The following FLI1 variants were observed in gnomAD, a reference collection of about 807,000 sequenced individuals.
FLI1 encodes Fli-1 proto-oncogene, ETS transcription factor.
Under a neutral mutation model 53.1 loss-of-function variants are expected in FLI1, and 13 were observed. The observed-to-expected ratio is 0.24, with a 90% CI of 0.16 to 0.39. FLI1 has a LOEUF of 0.39. Ranked by LOEUF, FLI1 falls within the 10% of genes least tolerant of loss-of-function variation. The probability of loss-of-function intolerance (pLI) is 1.00; values close to 1 mark genes in which losing one functional copy is unlikely to be tolerated. For synonymous variants in FLI1, 244 were observed against 236.7 expected (o/e 1.03, Z -0.28); for missense variants, 424 against 600.5 (o/e 0.71, Z 3.07).
At chr11:128,713,713 C>T (rs761056149) in intron 1 of FLI1, among the ~76,000 whole-genome samples, 1 of 151,984 alleles carries the variant, frequency 6.6e-6, no homozygotes, top group Non-Finnish European at 1.5e-5. Context: ...AACGTGGGGA[C>T]CTAACCTAGT....
intron 1 of FLI1, among the ~76,000 whole-genome samples, chr11:128,694,533 G>T (rs1220208768): frequency 0.017 from 10 of 574 alleles, no homozygotes; most frequent in African/African-American, 0.085. Flanking sequence ...CTCCCACCTC[G>T]CTGCCCGCCG....
chr11:128,769,403 C>T (rs1941470488), intron 3 of FLI1, among the ~76,000 whole-genome samples: 1 of 152,178 alleles, frequency 6.6e-6, no homozygotes, highest in South Asian at 2.1e-4. Flanking sequence ...AATGTAGTTG[C>T]CTCTGAAGTC....
chr11:128,706,530 C>T (rs549939768), intron 1 of FLI1, among the ~76,000 whole-genome samples: 27 of 152,240 alleles, frequency 1.8e-4, no homozygotes, highest in Non-Finnish European at 3.1e-4. Context: ...AGGCCATTGA[C>T]GGAGAGACAA....
intron 5 of FLI1, among the ~76,000 whole-genome samples, chr11:128,787,359 C>T (rs1942121132): frequency 6.6e-6 from 1 of 152,144 alleles, no homozygotes; most frequent in African/African-American, 2.4e-5. Context: ...TTAGAAGGCA[C>T]CCAGGTCATG....
chr11:128,745,622 G>A (rs1340220968), intron 1 of FLI1, among the ~76,000 whole-genome samples: 28 of 152,212 alleles, frequency 1.8e-4, no homozygotes, highest in Admixed American at 1.8e-3. Context: ...AACGGATTCA[G>A]GGTCTCCCCT....
At chr11:128,697,460 C>CA (rs371533719) in intron 1 of FLI1, among the ~76,000 whole-genome samples, 12 of 152,112 alleles carry the variant, frequency 7.9e-5, no homozygotes, top group African/African-American at 2.9e-4. Context: ...AAAATGGGGC[C>CA]AAAGCACCTC....
chr11:128,803,988 C>A, intron 5 of FLI1: 1 of 152,412 alleles, frequency 6.6e-6, no homozygotes, highest in Non-Finnish European at 1.5e-5. Flanking sequence ...CCTGCCTTGC[C>A]CTTCCTCCCT....
At position 128,768,102 on chromosome 11, in the gene FLI1, T is replaced by G; in HGVS notation, c.231-16T>G. 1 of 1,600,682 alleles carries G rather than the reference T, an allele frequency of 6.2e-7. No individual in the cohort carries two copies. Among genetic ancestry groups the G allele is most frequent in the Non-Finnish European group, 8.5e-7 (1 of 1,171,598 alleles). ...CAGTGCTGACCGCCTCTGGGCTTTG[T>G]CTCTTCTCACTTTAGGGAGTCTCCG... On this transcript the variant is annotated splice_polypyrimidine_tract_variant and intron_variant, in intron 2 of 8. Transcript: ENST00000527786.
chr11:128,692,557 T>C (rs1226283223), upstream of FLI1: 1 of 151,930 alleles, frequency 6.6e-6, no homozygotes, highest in African/African-American at 2.4e-5. Flanking sequence ...TGGAGCCGAA[T>C]TGATGAGACT....
intron 1 of FLI1, among the ~76,000 whole-genome samples, chr11:128,694,578 C>T (rs1457815268): frequency 0.019 from 1 of 54 alleles, no homozygotes; most frequent in Admixed American, 0.12. Context: ...AACCGGGGGA[C>T]CCCAGGGTAC....
chr11:128,766,838 C>T (rs974221936), intron 2 of FLI1, among the ~76,000 whole-genome samples: 1 of 152,030 alleles, frequency 6.6e-6, no homozygotes. Context: ...GTAATCTGAA[C>T]CTTATCTGAA....
intron 1 of FLI1, 22 bp downstream of exon 1, chr11:128,694,298 G>T: frequency 7.4e-7 from 1 of 1,349,884 alleles, no homozygotes; most frequent in South Asian, 2.1e-5. Flanking sequence ...GGCAACGGAC[G>T]CGGGCGGCGG....
At chr11:128,797,373 C>G (rs1402999568) in intron 5 of FLI1, among the ~76,000 whole-genome samples, 1 of 152,188 alleles carries the variant, frequency 6.6e-6, no homozygotes, top group Non-Finnish European at 1.5e-5. Context: ...AATTGGCTTT[C>G]CAGAGGGACT....
chr11:128,764,662 C>A, intron 2 of FLI1: 2 of 1,534,664 alleles, frequency 1.3e-6, no homozygotes, highest in South Asian at 2.4e-5. Flanking sequence ...CGCCAGCTGC[C>A]TCATTAAAGA....
intron 7 of FLI1, among the ~76,000 whole-genome samples, chr11:128,808,009 A>C (rs1422345470): frequency 6.6e-6 from 1 of 152,144 alleles, no homozygotes. Flanking sequence ...GGGTAGGCAA[A>C]CATTGTTCCC....
chr11:128,694,785 T>C, intron 1 of FLI1, among the ~76,000 whole-genome samples: 1 of 151,698 alleles, frequency 6.6e-6, no homozygotes, highest in Non-Finnish European at 1.5e-5. Flanking sequence ...TGCACGAGGG[T>C]AGGGGTGCAA....
intron 1 of FLI1, among the ~76,000 whole-genome samples, chr11:128,722,494 CTGCAGGATT>C: frequency 6.6e-6 from 1 of 152,354 alleles, no homozygotes; most frequent in East Asian, 1.9e-4. Context: ...CCAGCAAACA[CTGCAGGATT>C]TGCTTGCTCA....
chr11:128,787,956 G>A (rs372825743), intron 5 of FLI1, among the ~76,000 whole-genome samples: 38 of 151,774 alleles, frequency 2.5e-4, no homozygotes, highest in African/African-American at 7.0e-4. Flanking sequence ...ACAGGTGCCC[G>A]CCACCACGCC....
intron 5 of FLI1, among the ~76,000 whole-genome samples, chr11:128,799,109 A>C (rs183442682): frequency 1.3e-5 from 2 of 150,766 alleles, no homozygotes; most frequent in African/African-American, 4.9e-5. Flanking sequence ...CAATAGTGTA[A>C]TCATAGCTCA....
Sources: gnomAD v4.1 joint callset for allele counts (sites outside exome capture counted in the v4.1 genomes callset) on GRCh38, gnomAD v4.1.1 for gene constraint, MANE v1.5 for transcripts, NCBI Gene and HGNC (gene_info 2026-07-23, HGNC 2026-07-21) for gene names.